Variants in CDH8 observed in about 807,000 individuals in gnomAD.
CDH8 encodes cadherin-8.
Under a neutral mutation model 68.1 loss-of-function variants are expected in CDH8, and 17 were observed. The ratio of observed to expected loss-of-function variants is 0.25; its 90% CI spans 0.17 to 0.37. The LOEUF is 0.37. Ranked by LOEUF, CDH8 falls within the 10% of genes least tolerant of loss-of-function variation. The pLI is 1.00. For missense variants in CDH8, 763 were observed against 999.3 expected, an observed-to-expected ratio of 0.76 and a Z score of 3.19; for synonymous variants, 372 against 365.1, an observed-to-expected ratio of 1.02 and a Z score of -0.21.
intron 10 of CDH8, among the ~76,000 whole-genome samples, chr16:61,655,967 G>C (rs1963439200): frequency 6.6e-6 from 1 of 151,208 alleles, no homozygotes; most frequent in Non-Finnish European, 1.5e-5. Flanking sequence ...TCGCCTCCCG[G>C]GTTCACGCCA....
chr16:61,883,351 T>G (rs961842450), intron 3 of CDH8, among the ~76,000 whole-genome samples: 1 of 152,052 alleles, frequency 6.6e-6, no homozygotes, highest in African/African-American at 2.4e-5. Context: ...TATATCAATT[T>G]TATTATAGTA....
intron 4 of CDH8, among the ~76,000 whole-genome samples, chr16:61,852,852 CCCTTCCTTCCTTCCTT>C (rs138549766): frequency 1.4e-4 from 18 of 133,100 alleles, no homozygotes; most frequent in South Asian, 2.6e-4. Flanking sequence ...CCTGACTCTG[CCCTTCCTTCCTTCCTT>C]CCTTCCTTCC....
In CDH8 at chr16:62,020,864, C is replaced by T. The variant is rs554834606; in HGVS notation, c.252+288G>A. On this transcript the variant is annotated intron_variant, in intron 2 of 11. Transcript: ENST00000577390. ...AAAAGGTTTGGCATGAGATCTCTCT[C>T]GTGTGAGTGAGAAAGAAAACGTTAT... is the stretch of plus-strand genomic sequence containing the variant. 1.4e-4 allele frequency among the ~76,000 whole-genome samples: 22 copies of T among 152,210 alleles called. No homozygotes were observed. The East Asian group carries it at 4.1e-3, about 28-fold the overall frequency.
chr16:61,788,134 C>G (rs1961282648), intron 8 of CDH8, among the ~76,000 whole-genome samples: 1 of 151,558 alleles, frequency 6.6e-6, no homozygotes, highest in African/African-American at 2.4e-5. Context: ...TGAATCTTCA[C>G]TCTTTCACAC....
chr16:61,997,105 AT>A (rs1245326527), intron 2 of CDH8, among the ~76,000 whole-genome samples: 24 of 151,840 alleles, frequency 1.6e-4, no homozygotes, highest in Non-Finnish European at 2.1e-4. Flanking sequence ...TAAGATTCAG[AT>A]TTTCTCTAAA....
intron 6 of CDH8, 77 bp downstream of exon 6, chr16:61,820,849 C>A: frequency 7.9e-7 from 1 of 1,264,128 alleles, no homozygotes; most frequent in Non-Finnish European, 1.1e-6. Flanking sequence ...GCCAGGAACT[C>A]CACACAAGTC....
chr16:61,791,721 C>T (rs577449233), intron 7 of CDH8, among the ~76,000 whole-genome samples: 1 of 151,998 alleles, frequency 6.6e-6, no homozygotes, highest in African/African-American at 2.4e-5. Flanking sequence ...AATTTCTAGC[C>T]CCAAAGAAGC....
chr16:62,034,400 T>C (rs1902402445), intron 1 of CDH8, among the ~76,000 whole-genome samples: 1 of 152,124 alleles, frequency 6.6e-6, no homozygotes, highest in Non-Finnish European at 1.5e-5. Context: ...TTCCCACATA[T>C]AGTTTTCCAG....
chr16:62,032,225 T>G (rs1902344375), intron 1 of CDH8, among the ~76,000 whole-genome samples: 4 of 152,088 alleles, frequency 2.6e-5, no homozygotes, highest in Non-Finnish European at 5.9e-5. Flanking sequence ...AATCAAATAA[T>G]CTAAGGCAGA....
At chr16:61,990,911 AG>A (rs914929982) in intron 2 of CDH8, among the ~76,000 whole-genome samples, 2 of 151,062 alleles carry the variant, frequency 1.3e-5, no homozygotes, top group Non-Finnish European at 3.0e-5. Flanking sequence ...AGGAAGGAAA[AG>A]GAAGGAGGGA....
At chr16:61,882,442 C>T (rs138831232) in intron 3 of CDH8, among the ~76,000 whole-genome samples, 10 of 152,334 alleles carry the variant, frequency 6.6e-5, no homozygotes, top group African/African-American at 2.4e-4. Context: ...TGTGTTGACA[C>T]ATCTCTGTTC....
chr16:61,892,049 A>C (rs1963787777), intron 3 of CDH8, among the ~76,000 whole-genome samples: 1 of 152,190 alleles, frequency 6.6e-6, no homozygotes, highest in African/African-American at 2.4e-5. Context: ...TTGTTCCTTT[A>C]ATAATAAAAA....
At chr16:61,905,306 C>T (rs927795776) in intron 2 of CDH8, among the ~76,000 whole-genome samples, 3 of 152,092 alleles carry the variant, frequency 2.0e-5, no homozygotes, top group African/African-American at 7.2e-5. Context: ...GAGACACAGA[C>T]AAAGTCTCTG....
At chr16:61,942,272 C>G (rs564385071) in intron 2 of CDH8, among the ~76,000 whole-genome samples, 40 of 152,082 alleles carry the variant, frequency 2.6e-4, no homozygotes, top group Non-Finnish European at 5.4e-4. Flanking sequence ...GTGAAAGGAT[C>G]ACTTCTGCCC....
intron 2 of CDH8, among the ~76,000 whole-genome samples, chr16:61,935,914 C>G (rs542476041): frequency 3.1e-4 from 47 of 152,124 alleles, no homozygotes; most frequent in African/African-American, 1.0e-3. Flanking sequence ...ATGCTGGGAG[C>G]TAGATCTTAA....
At position 61,756,021 on chromosome 16, in the gene CDH8, A is replaced by C. The variant is rs572427245; in HGVS notation, c.1415-28806T>G. Among the ~76,000 whole-genome samples, 5 of 152,110 alleles carry C rather than the reference A, an allele frequency of 3.3e-5. No individual in the cohort carries two copies. The East Asian group carries it at 7.8e-4, about 24-fold the overall frequency. ...ATTTTAATAGAGACAGGGTTTCGCC[A>C]TGTTGACCAGGCTCGTCTCAAACTC... On this transcript the variant is annotated intron_variant, in intron 8 of 11. Coordinates refer to ENST00000577390, the MANE Select transcript of CDH8 (RefSeq NM_001796.5).
At chr16:61,691,611 A>G (rs1355887152) in intron 10 of CDH8, 1 of 151,932 alleles carries the variant, frequency 6.6e-6, no homozygotes, top group Non-Finnish European at 1.5e-5. Context: ...ATTGTTGATG[A>G]AGAGGTGGAT....
chr16:61,781,740 C>T lies in CDH8; in HGVS notation c.1414+7606G>A, dbSNP rs144940279. Among the ~76,000 whole-genome samples the T allele has an allele frequency of 3.5e-3, 534 of 152,230 alleles. 3 individuals carry two copies. Among genetic ancestry groups the T allele is most frequent in the Middle Eastern group, 6.8e-3 (2 of 294 alleles). Reference sequence around the variant, plus strand: ...AAGCCTTAAGTCATCTAAATAGATACAACTTTTCTGAGAGGCTTAAGGTGA... The same window carrying T: ...AAGCCTTAAGTCATCTAAATAGATATAACTTTTCTGAGAGGCTTAAGGTGA... On this transcript the variant is annotated intron_variant, in intron 8 of 11. Transcript: ENST00000577390.
At chr16:61,896,708 T>TCCAA (rs1963874332) in intron 3 of CDH8, among the ~76,000 whole-genome samples, 1 of 152,054 alleles carries the variant, frequency 6.6e-6, no homozygotes, top group African/African-American at 2.4e-5. Context: ...ACACCAGACA[T>TCCAA]CCAATGCATA....
Sources: gnomAD v4.1 joint callset for allele counts (sites outside exome capture counted in the v4.1 genomes callset) on GRCh38, gnomAD v4.1.1 for gene constraint, MANE v1.5 for transcripts, NCBI Gene and HGNC (gene_info 2026-07-23, HGNC 2026-07-21) for gene names.